BAHD1: variants seen among roughly 807,000 people sequenced by gnomAD.
The protein encoded by BAHD1 is bromo adjacent homology domain containing 1, also known as bromo adjacent homology domain-containing 1 protein.
Under a neutral mutation model 63.1 loss-of-function variants are expected in BAHD1, and 20 were observed. The ratio of observed to expected loss-of-function variants is 0.32; its 90% CI spans 0.22 to 0.46. BAHD1 has a LOEUF of 0.46. BAHD1 is among the 20% of genes least tolerant of loss of function. BAHD1 has a pLI of 1.00. For synonymous variants in BAHD1, 408 were observed against 426.8 expected (o/e 0.96, Z 0.54); for missense variants, 939 against 1,071.8 (o/e 0.88, Z 1.73).
At position 40,459,656 on chromosome 15, in the gene BAHD1, A is replaced by T. The variant is rs755421064; in HGVS notation, c.1192A>T (p.Met398Leu). The change falls in exon 2 of 7, where the codon ATG becomes TTG. Residue 398 changes from methionine (M) to leucine (L), a missense_variant. Around this residue, in one of 5 missense-constraint regions of BAHD1, gnomAD observed 797 missense variants for 813.3 expected, o/e 0.98. Coordinates refer to ENST00000416165, the MANE Select transcript of BAHD1 (RefSeq NM_014952.5). ...GTGTGGGGGCTACTCGCCCTGCCCC[A>T]TGCTTCCTGAGGGCAAGCTGTCCCC... ...LQCGGYSPCP[M>L]LPEGKLSPVA... 6.2e-7 allele frequency: 1 copy of T among 1,613,962 alleles called. No individual in the cohort carries two copies. The highest frequency in any genetic ancestry group is 1.3e-5 in the African/African-American group (1 of 74,934).
intron 1 of BAHD1, among the ~76,000 whole-genome samples, chr15:40,444,848 C>G (rs980131726): frequency 6.6e-6 from 1 of 152,134 alleles, no homozygotes; most frequent in African/African-American, 2.4e-5. Flanking sequence ...CCCCTTTCCC[C>G]CAAACCTCCC....
chr15:40,447,088 G>C (rs550486119), intron 1 of BAHD1, among the ~76,000 whole-genome samples: 1 of 152,128 alleles, frequency 6.6e-6, no homozygotes, highest in Non-Finnish European at 1.5e-5. Flanking sequence ...TGTAGAAATC[G>C]TGGGAAAGGT....
At chr15:40,450,433 G>T (rs553696120) in intron 1 of BAHD1, among the ~76,000 whole-genome samples, 12 of 152,204 alleles carry the variant, frequency 7.9e-5, no homozygotes, top group Admixed American at 7.2e-4. Context: ...CTAAGTTGTT[G>T]GTCCATGTAA....
chr15:40,440,024 G>C (rs1230120771), upstream of BAHD1: 2 of 152,330 alleles, frequency 1.3e-5, no homozygotes, highest in Non-Finnish European at 2.9e-5. Flanking sequence ...GAGTCCAGCC[G>C]CTCCTGTCAG....
At chr15:40,438,610 T>G (rs1036464232), upstream of BAHD1, among the ~76,000 whole-genome samples, 2 of 151,988 alleles carry the variant, frequency 1.3e-5, no homozygotes, top group Non-Finnish European at 2.9e-5. Context: ...TCCTCTCCGG[T>G]TGGTATTCCT....
chr15:40,458,977 C>T lies in BAHD1; in HGVS notation c.513C>T (p.Pro171=), dbSNP rs756100822. Residue 171 remains proline, a synonymous_variant, in exon 2 of 7, where the codon CCC becomes CCT. Transcript: ENST00000416165. This position sits in a 1 kb window ranked among gnomAD's most constrained non-coding sequence, Gnocchi z 4.7. ...TGGWSSSKKR[P]RLGDLGGGSR... ...GCTGGTCCTCCTCCAAGAAGCGGCC[C>T]CGGCTGGGGGACCTTGGAGGAGGAA... is the stretch of plus-strand genomic sequence containing the variant. 1 of 1,584,254 alleles carries T rather than the reference C, an allele frequency of 6.3e-7. No homozygotes were observed. The highest frequency in any genetic ancestry group is 1.3e-5 in the African/African-American group (1 of 74,300).
chr15:40,448,667 G>A (rs997768324), intron 1 of BAHD1, among the ~76,000 whole-genome samples: 1 of 152,050 alleles, frequency 6.6e-6, no homozygotes, highest in African/African-American at 2.4e-5. Context: ...CTCCTAAGTA[G>A]CTGGGACTAC....
intron 5 of BAHD1, chr15:40,464,991 G>A: frequency 2.5e-6 from 1 of 399,126 alleles, no homozygotes; most frequent in Admixed American, 4.0e-5. Context: ...TGTGCCCTGG[G>A]CTCACCTTTT....
chr15:40,460,568 T>G (rs1183731276), intron 2 of BAHD1, among the ~76,000 whole-genome samples: 1 of 152,200 alleles, frequency 6.6e-6, no homozygotes, highest in Non-Finnish European at 1.5e-5. Flanking sequence ...GGTGTCTGCC[T>G]GCCTGACAAG....
upstream of BAHD1, among the ~76,000 whole-genome samples, chr15:40,439,057 G>C (rs1213959052): frequency 6.6e-6 from 1 of 152,196 alleles, no homozygotes; most frequent in Non-Finnish European, 1.5e-5. Context: ...AGTAGGGCTG[G>C]CCTGGTGTGT....
chr15:40,440,393 G>A (rs1893364610), upstream of BAHD1, among the ~76,000 whole-genome samples: 2 of 152,058 alleles, frequency 1.3e-5, no homozygotes, highest in Admixed American at 1.3e-4. Context: ...TGCAGGAAAG[G>A]GGGGTTGTTC....
rs909857049 is a variant in BAHD1, at chr15:40,465,496, G to A, written c.2153+61G>A. ...CCCTCAGGCTCCCCAGGCATATTTG[G>A]GGCTGCTTGGAATTCCCCGAGAGGA... On this transcript the variant is annotated intron_variant, in intron 6 of 6. Transcript: ENST00000416165. 7.5e-6 allele frequency: 10 copies of A among 1,326,326 alleles called. No individual in the cohort carries two copies. The Admixed American group carries it at 1.7e-4, about 23-fold the overall frequency. The allele number at this position is 1,326,326 out of a possible 1,614,324, so 82.2% of individuals were successfully genotyped here.
chr15:40,440,946 T>G (rs931514437), upstream of BAHD1, among the ~76,000 whole-genome samples: 3 of 151,812 alleles, frequency 2.0e-5, no homozygotes, highest in African/African-American at 7.3e-5. Context: ...GAGGCTCCGC[T>G]CTCGGGGAGT....
At chr15:40,465,060 CT>C in intron 5 of BAHD1, 1 of 487,414 alleles carries the variant, frequency 2.1e-6, no homozygotes, top group Admixed American at 3.5e-5. Context: ...AACATTTCCC[CT>C]CTCCTACGCT....
intron 1 of BAHD1, among the ~76,000 whole-genome samples, chr15:40,445,492 A>G (rs1893515549): frequency 6.6e-6 from 1 of 152,106 alleles, no homozygotes; most frequent in Admixed American, 6.6e-5. Context: ...ATCTGTTCTT[A>G]TTCCTCTTGG....
At position 40,458,541 on chromosome 15, in the gene BAHD1, A is replaced by G. The variant is rs3743143; in HGVS notation, c.77A>G (p.Glu26Gly). Residue 26 changes from glutamate to glycine, a missense_variant, in exon 2 of 7, where the codon GAA becomes GGA. Transcript: ENST00000416165. The surrounding 1 kb of genome is among the most constrained non-coding windows in gnomAD (Gnocchi z 4.7). ...GGCCGCCGAGAGCCCCTGCAGATGG[A>G]AGACAGCAACATGGAGCAGGGGGTT... Reference protein sequence around the residue: ...LTGRREPLQMEDSNMEQGVEG... With the variant: ...LTGRREPLQMGDSNMEQGVEG... 0.027 allele frequency: 44,071 copies of G among 1,613,614 alleles called. 1,357 individuals are homozygous for G. The highest frequency in any genetic ancestry group is 0.13 in the East Asian group (5,678 of 44,860).
chr15:40,453,171 A>G (rs186821106), intron 1 of BAHD1, among the ~76,000 whole-genome samples: 1 of 152,260 alleles, frequency 6.6e-6, no homozygotes, highest in Non-Finnish European at 1.5e-5. Context: ...TCCATCTTAG[A>G]TGAGGGATCT....
At chr15:40,462,392 C>G in intron 3 of BAHD1, 98 bp downstream of exon 3, 1 of 1,461,454 alleles carries the variant, frequency 6.8e-7, no homozygotes, top group East Asian at 2.3e-5. Context: ...GTTCTAGCTA[C>G]TCTGAGAGCT....
At chr15:40,461,100 G>GC (rs1396997046) in intron 2 of BAHD1, among the ~76,000 whole-genome samples, 1 of 152,142 alleles carries the variant, frequency 6.6e-6, no homozygotes, top group Non-Finnish European at 1.5e-5. Context: ...CACTTTCCTA[G>GC]CCATGTGACT....
Sources: allele counts gnomAD v4.1 joint callset (sites outside exome capture counted in the v4.1 genomes callset), GRCh38; gene constraint gnomAD v4.1.1; regional missense constraint gnomAD v4.1.1; non-coding constraint Gnocchi (gnomAD v3.1); transcripts MANE v1.5; gene names NCBI Gene and HGNC (gene_info 2026-07-23, HGNC 2026-07-21).